DCP1B: variants seen among roughly 807,000 people sequenced by gnomAD.
The protein encoded by DCP1B is decapping mRNA 1B.
A neutral mutation model predicts 60.5 loss-of-function variants in DCP1B; 47 were observed. The ratio of observed to expected loss-of-function variants is 0.78; its 90% CI spans 0.61 to 0.99. DCP1B has a LOEUF of 0.99. Ranked by LOEUF, DCP1B falls within the 50% of genes least tolerant of loss-of-function variation. The pLI, the probability that DCP1B is intolerant of heterozygous loss-of-function variation, is 0.00. For missense variants in DCP1B, 725 were observed against 756.8 expected, an observed-to-expected ratio of 0.96 and a Z score of 0.49; for synonymous variants, 267 against 280.3, an observed-to-expected ratio of 0.95 and a Z score of 0.47.
At chr12:1,975,974 AG>A (rs2034222585) in intron 3 of DCP1B, among the ~76,000 whole-genome samples, 1 of 152,208 alleles carries the variant, frequency 6.6e-6, no homozygotes, top group African/African-American at 2.4e-5. Flanking sequence ...GTGTGTTTCA[AG>A]GAACTATCTG....
In DCP1B at chr12:2,004,416, C is replaced by G; in HGVS notation, c.16G>C (p.Ala6Pro). 6.2e-7 allele frequency: 1 copy of G among 1,610,222 alleles called. No individual in the cohort carries two copies. Among genetic ancestry groups the G allele is most frequent in the Non-Finnish European group, 8.5e-7 (1 of 1,178,644 alleles). Residue 6 changes from alanine to proline, a missense_variant, in exon 1 of 9, where the codon GCA becomes CCA. Transcript: ENST00000280665. ...CGCCCCTTTCCCACCAGGCCGCCTGCCGCCACGGCTGCCATCTTCCCTCCC... is the reference window on the plus strand; with the variant it reads ...CGCCCCTTTCCCACCAGGCCGCCTGGCGCCACGGCTGCCATCTTCCCTCCC... MAAVA[A>P]GGLVGKGRDI...
intron 3 of DCP1B, among the ~76,000 whole-genome samples, chr12:1,979,517 G>C (rs1214559392): frequency 6.6e-6 from 1 of 152,102 alleles, no homozygotes; most frequent in East Asian, 1.9e-4. Flanking sequence ...TCACCATGTT[G>C]GCCAGGCTCG....
chr12:1,984,778 TA>T (rs764705302), intron 3 of DCP1B, among the ~76,000 whole-genome samples: 1,371 of 81,326 alleles, frequency 0.017, 4 homozygotes, highest in South Asian at 0.026. Flanking sequence ...GGTCTTCTGG[TA>T]AAAAAAAAAA....
downstream of DCP1B, among the ~76,000 whole-genome samples, chr12:1,943,722 T>A (rs550248552): frequency 6.6e-6 from 1 of 152,286 alleles, no homozygotes; most frequent in African/African-American, 2.4e-5. Context: ...AGAAAAGGCC[T>A]TCGATAAAAT....
At chr12:1,976,108 T>G (rs531385071) in intron 3 of DCP1B, among the ~76,000 whole-genome samples, 1 of 152,234 alleles carries the variant, frequency 6.6e-6, no homozygotes, top group African/African-American at 2.4e-5. Flanking sequence ...ATAGTTTTCT[T>G]TAGAGTTTAG....
chr12:1,997,870 T>C (rs2302098), intron 2 of DCP1B, 65 bp downstream of exon 2: 400,690 of 1,298,636 alleles, frequency 0.31, 63,713 homozygotes, highest in East Asian at 0.53. Flanking sequence ...TGAAGAAGAG[T>C]GACACAACGG....
intron 3 of DCP1B, among the ~76,000 whole-genome samples, chr12:1,984,898 C>T (rs531840662): frequency 6.6e-6 from 1 of 150,634 alleles, no homozygotes; most frequent in African/African-American, 2.4e-5. Context: ...AGGTTAATAG[C>T]TCTTTTATTT....
At chr12:1,975,559 T>C (rs943935498) in intron 3 of DCP1B, among the ~76,000 whole-genome samples, 1 of 152,160 alleles carries the variant, frequency 6.6e-6, no homozygotes, top group African/African-American at 2.4e-5. Context: ...GAACCCAGCT[T>C]TTCTCTGCCA....
At chr12:1,950,301 G>A (rs971369829) in intron 7 of DCP1B, 1 of 702,314 alleles carries the variant, frequency 1.4e-6, no homozygotes, top group East Asian at 2.7e-5. Context: ...TCCCGGAGGT[G>A]GAGTCAAGCA....
chr12:1,966,946 A>G (rs541643704), intron 4 of DCP1B, among the ~76,000 whole-genome samples: 1 of 152,318 alleles, frequency 6.6e-6, no homozygotes, highest in South Asian at 2.1e-4. Context: ...TTTTGCACAC[A>G]GAGCTACAGT....
At chr12:1,947,386 T>C (rs1345512278) in intron 8 of DCP1B, among the ~76,000 whole-genome samples, 1 of 152,190 alleles carries the variant, frequency 6.6e-6, no homozygotes, top group Admixed American at 6.5e-5. Flanking sequence ...TCCTGCAAAG[T>C]AGTCACAAAG....
chr12:1,953,062 G>T lies in DCP1B; in HGVS notation c.878C>A (p.Ala293Asp). ...GCTCCTGACCATGAGTTTCTGAATG[G>T]CTGGACAGAGCTGCTTCTCAATGGG... Reference protein sequence around the residue: ...SPPIEKQLCPAIQKLMVRSAD... With the variant: ...SPPIEKQLCPDIQKLMVRSAD... The change falls in exon 7 of 9, where the codon GCC becomes GAC. Residue 293 changes from alanine to aspartate, a missense_variant. Ala to Asp is a moderately radical substitution (Grantham distance 126). Transcript: ENST00000280665. 6.2e-7 allele frequency: 1 copy of T among 1,614,118 alleles called. No homozygotes were observed. The highest frequency in any genetic ancestry group is 8.5e-7 in the Non-Finnish European group (1 of 1,180,018).
chr12:1,964,871 C>T (rs2031240670), intron 5 of DCP1B, among the ~76,000 whole-genome samples: 1 of 152,036 alleles, frequency 6.6e-6, no homozygotes, highest in South Asian at 2.1e-4. Flanking sequence ...CTCGCTCCAT[C>T]CCCCCACTCA....
At chr12:1,956,271 A>G (rs1269543572) in intron 5 of DCP1B, among the ~76,000 whole-genome samples, 3 of 152,210 alleles carry the variant, frequency 2.0e-5, no homozygotes, top group Admixed American at 1.3e-4. Flanking sequence ...GAGCATGGCA[A>G]TGATACTGGT....
chr12:1,971,274 C>T lies in DCP1B; in HGVS notation c.320-3364G>A. ...TTTACTCTAAATATCCTAATGATAC[C>T]TAGAATGTGACTTCCTCACTCTAAG... is the stretch of plus-strand genomic sequence containing the variant. On this transcript the variant is annotated intron_variant, in intron 3 of 8. Coordinates refer to ENST00000280665, the MANE Select transcript of DCP1B (RefSeq NM_152640.5). This position sits in a 1 kb window ranked among gnomAD's most constrained non-coding sequence, Gnocchi z 4.2. 2.6e-6 allele frequency: 2 copies of T among 771,106 alleles called. No homozygotes were observed. The highest frequency in any genetic ancestry group is 3.1e-5 in the South Asian group (2 of 64,478). The allele number at this position is 771,106 out of a possible 1,614,324, so 47.8% of individuals were successfully genotyped here. A position where few individuals can be genotyped will look rare whatever the true frequency, so the allele number is the denominator to read the frequency against.
At chr12:1,975,936 T>C (rs1227661839) in intron 3 of DCP1B, among the ~76,000 whole-genome samples, 3 of 152,152 alleles carry the variant, frequency 2.0e-5, no homozygotes, top group Admixed American at 1.3e-4. Context: ...AGAAGGGTTG[T>C]TTACTCACAC....
chr12:1,980,360 T>C (rs568336311), intron 3 of DCP1B, among the ~76,000 whole-genome samples: 2 of 152,348 alleles, frequency 1.3e-5, no homozygotes, highest in African/African-American at 4.8e-5. Flanking sequence ...CATGTGACTA[T>C]TGGTATTTGT....
At chr12:1,950,327 G>A in intron 7 of DCP1B, 1 of 702,402 alleles carries the variant, frequency 1.4e-6, no homozygotes, top group Non-Finnish European at 2.6e-6. Context: ...AGCACAGCGT[G>A]GGCTGCTGAA....
At chr12:1,988,214 T>A (rs1451029596) in intron 3 of DCP1B, among the ~76,000 whole-genome samples, 1 of 152,236 alleles carries the variant, frequency 6.6e-6, no homozygotes, top group East Asian at 1.9e-4. Flanking sequence ...TACGTGTCCA[T>A]CATGGGTCAT....
Sources: gnomAD v4.1 joint callset for allele counts (sites outside exome capture counted in the v4.1 genomes callset) on GRCh38, gnomAD v4.1.1 for gene constraint, Gnocchi (gnomAD v3.1) non-coding constraint, MANE v1.5 for transcripts, NCBI Gene and HGNC (gene_info 2026-07-23, HGNC 2026-07-21) for gene names.